Variants in PIK3C2G observed in about 807,000 individuals in gnomAD.
PIK3C2G encodes phosphatidylinositol 3-kinase C2 domain-containing subunit gamma.
PIK3C2G carries 168 observed loss-of-function variants against 181.1 expected under a neutral mutation model. The ratio of observed to expected loss-of-function variants is 0.93; its 90% CI spans 0.82 to 1.05. PIK3C2G has a LOEUF of 1.05. Ranked by LOEUF, PIK3C2G falls within the 50% of genes least tolerant of loss-of-function variation. PIK3C2G has a pLI of 0.00. For missense variants in PIK3C2G, 1,869 were observed against 1,732.8 expected (o/e 1.08, Z -1.40); for synonymous variants, 573 against 592.2 (o/e 0.97, Z 0.47).
intron 18 of PIK3C2G, among the ~76,000 whole-genome samples, chr12:18,437,189 T>A (rs1476658705): frequency 3.3e-5 from 5 of 151,976 alleles, no homozygotes; most frequent in Non-Finnish European, 7.4e-5. Context: ...TCTTTGTTCA[T>A]GAAAAGATTG....
chr12:18,268,222 T>C (rs1260090985), intron 1 of PIK3C2G, among the ~76,000 whole-genome samples: 1 of 152,206 alleles, frequency 6.6e-6, no homozygotes, highest in Admixed American at 6.5e-5. Flanking sequence ...TTTAGTTGAC[T>C]GAATGGATGT....
chr12:18,597,815 T>G (rs899838276), intron 30 of PIK3C2G, among the ~76,000 whole-genome samples: 6 of 151,814 alleles, frequency 4.0e-5, no homozygotes, highest in African/African-American at 1.5e-4. Flanking sequence ...GGATACAAAA[T>G]CAATGTACAA....
At chr12:18,690,255 C>T in the PIK3C2G span, among the ~76,000 whole-genome samples, 27 of 152,044 alleles carry the variant, frequency 1.8e-4, no homozygotes, top group Admixed American at 1.8e-3. Flanking sequence ...CGAACTTTGG[C>T]TCTTGCTACC....
chr12:18,413,433 GA>G (rs1354973058), intron 16 of PIK3C2G, among the ~76,000 whole-genome samples: 2 of 152,066 alleles, frequency 1.3e-5, no homozygotes, highest in Non-Finnish European at 2.9e-5. Context: ...CTAATTTTAA[GA>G]AGTATTTTTT....
At chr12:18,344,569 TCTC>T (rs757647867) in intron 10 of PIK3C2G, among the ~76,000 whole-genome samples, 8 of 152,062 alleles carry the variant, frequency 5.3e-5, no homozygotes, top group Non-Finnish European at 1.2e-4. Flanking sequence ...TGAAACTGAT[TCTC>T]CCTTTCTATC....
intron 29 of PIK3C2G, among the ~76,000 whole-genome samples, chr12:18,580,376 A>AT (rs1467711825): frequency 2.0e-5 from 3 of 152,126 alleles, no homozygotes; most frequent in African/African-American, 4.8e-5. Flanking sequence ...AAGCAGTGTT[A>AT]TTTTTTTAAA....
At chr12:18,270,657 G>T (rs1050825577) in intron 1 of PIK3C2G, among the ~76,000 whole-genome samples, 7 of 152,018 alleles carry the variant, frequency 4.6e-5, no homozygotes, top group African/African-American at 1.7e-4. Context: ...TAAAATAACA[G>T]AAAACAGTCT....
chr12:18,366,441 G>C (rs906213789), intron 12 of PIK3C2G, among the ~76,000 whole-genome samples: 1 of 152,134 alleles, frequency 6.6e-6, no homozygotes, highest in Non-Finnish European at 1.5e-5. Context: ...GTCAGGGCAG[G>C]AGAATTGCTT....
chr12:18,298,284 T>C (rs553048234), intron 5 of PIK3C2G, among the ~76,000 whole-genome samples: 1 of 152,040 alleles, frequency 6.6e-6, no homozygotes, highest in East Asian at 1.9e-4. Context: ...GACTAGTGAT[T>C]TGAACATTTT....
chr12:18,627,161 A>C (rs1579935), intron 31 of PIK3C2G, among the ~76,000 whole-genome samples: 151,832 of 151,842 alleles, frequency 1, 75,911 homozygotes, highest in Non-Finnish European at 1. Context: ...GCTGTTGAAA[A>C]TTTCTATTGC....
intron 1 of PIK3C2G, among the ~76,000 whole-genome samples, chr12:18,280,995 A>C (rs73062574): frequency 6.6e-6 from 1 of 151,900 alleles, no homozygotes; most frequent in South Asian, 2.1e-4. Flanking sequence ...AGCTGCGTGA[A>C]TAATTGGGTC....
At chr12:18,558,205 A>G (rs574876183) in intron 26 of PIK3C2G, among the ~76,000 whole-genome samples, 51 of 152,324 alleles carry the variant, frequency 3.3e-4, no homozygotes, top group African/African-American at 1.2e-3. Flanking sequence ...AGTCTTGTGT[A>G]TATACAGACC....
At chr12:18,645,117 G>T (rs1950047860) in intron 32 of PIK3C2G, among the ~76,000 whole-genome samples, 1 of 152,002 alleles carries the variant, frequency 6.6e-6, no homozygotes, top group Non-Finnish European at 1.5e-5. Context: ...ATTAGAAAAA[G>T]AAATTAAAAG....
chr12:18,319,925 A>C (rs1296041695), intron 6 of PIK3C2G: 1 of 152,186 alleles, frequency 6.6e-6, no homozygotes, highest in African/African-American at 2.4e-5. Context: ...TTTCTCAGTC[A>C]TTCTACATAG....
chr12:18,708,870 T>C, the PIK3C2G span, among the ~76,000 whole-genome samples: 7 of 152,274 alleles, frequency 4.6e-5, no homozygotes, highest in African/African-American at 1.4e-4. Flanking sequence ...TTTTTTCCAC[T>C]AATGAGTTGT....
At chr12:18,479,796 AGTT>A (rs1939379072) in intron 18 of PIK3C2G, among the ~76,000 whole-genome samples, 1 of 152,238 alleles carries the variant, frequency 6.6e-6, no homozygotes, top group African/African-American at 2.4e-5. Context: ...AGGAGCCCTG[AGTT>A]GTTGTCCAGA....
chr12:18,349,610 T>C (rs1183150055), intron 11 of PIK3C2G, among the ~76,000 whole-genome samples: 3 of 152,200 alleles, frequency 2.0e-5, no homozygotes, highest in Non-Finnish European at 4.4e-5. Flanking sequence ...CATTCATATT[T>C]ATCCTAAATT....
At chr12:18,688,239 A>T in the PIK3C2G span, 1 of 1,587,908 alleles carries the variant, frequency 6.3e-7, no homozygotes, top group South Asian at 1.1e-5. Context: ...ATATATGAAT[A>T]TAAGAATTTA....
chr12:18,681,340 C>A, the PIK3C2G span, among the ~76,000 whole-genome samples: 3 of 152,036 alleles, frequency 2.0e-5, no homozygotes, highest in Non-Finnish European at 2.9e-5. Context: ...AAAAAATCTT[C>A]TGTTGCCACA....
Sources: gnomAD v4.1 joint callset for allele counts (sites outside exome capture counted in the v4.1 genomes callset) on GRCh38, gnomAD v4.1.1 for gene constraint, MANE v1.5 for transcripts, NCBI Gene and HGNC (gene_info 2026-07-23, HGNC 2026-07-21) for gene names.